Variants in ZNF699 observed in about 807,000 individuals in gnomAD.
The protein encoded by ZNF699 is hangover homolog.
Under a neutral mutation model 22.5 loss-of-function variants are expected in ZNF699, and 18 were observed. The ratio of observed to expected loss-of-function variants is 0.80; its 90% CI spans 0.55 to 1.19. The LOEUF (loss-of-function observed/expected upper bound fraction) is 1.19. Among genes scored for constraint, ZNF699 ranks in the 50% most tolerant of loss-of-function variants. The pLI, the probability that ZNF699 is intolerant of heterozygous loss-of-function variation, is 0.00. For missense variants in ZNF699, 670 were observed against 763.4 expected (o/e 0.88, Z 1.44); for synonymous variants, 241 against 262.3 (o/e 0.92, Z 0.78).
Position 9,297,367 on chromosome 19 carries a change from G to A in ZNF699, c.399C>T (p.Phe133=). The part of the protein sequence containing the change: ...IVRFKRNDSW[F]SSLHENQESC... ...ACTCCTGGTTTTCATGTAAACTGGAGAACCAGGAATCATTCCTTTTGAATC... is the reference window on the plus strand; with the variant it reads ...ACTCCTGGTTTTCATGTAAACTGGAAAACCAGGAATCATTCCTTTTGAATC... Residue 133 remains phenylalanine (F), a synonymous_variant, in exon 5 of 6, where the codon TTC becomes TTT. Transcript: ENST00000591998. This position sits in a 1 kb window ranked among gnomAD's most constrained non-coding sequence, Gnocchi z 4.3. 6.2e-7 allele frequency: 1 copy of A among 1,602,454 alleles called. No homozygotes were observed. Among genetic ancestry groups the A allele is most frequent in the Non-Finnish European group, 8.5e-7 (1 of 1,177,996 alleles).
At chr19:9,302,545 C>T (rs377118323) in intron 2 of ZNF699, 41 bp from the exon 3 acceptor site, 11 of 1,566,658 alleles carry the variant, frequency 7.0e-6, no homozygotes, top group Non-Finnish European at 9.5e-6. Flanking sequence ...GGTACAATTC[C>T]TCCAATGTGT....
At position 9,295,692 on chromosome 19, in the gene ZNF699, G is replaced by A. The variant is rs1568344517; in HGVS notation, c.1712C>T (p.Ser571Phe). The change falls in exon 6 of 6, where the codon TCT (serine) becomes TTT (phenylalanine). Residue 571 changes from serine (S) to phenylalanine (F), a missense_variant. Ser to Phe is a radical substitution (Grantham distance 155). Coordinates refer to ENST00000591998, the MANE Select transcript of ZNF699 (RefSeq NM_198535.3). ...TCTTGCATGTACAGTAAGGTATGAA[G>A]AATGACGAAATGCTTTCCCACATTC... is the stretch of plus-strand genomic sequence containing the variant. ...CKECGKAFRH[S>F]SYLTVHARMH... 1.9e-6 allele frequency: 3 copies of A among 1,614,002 alleles called. No individual in the cohort carries two copies. The highest frequency in any genetic ancestry group is 2.5e-6 in the Non-Finnish European group (3 of 1,180,036).
chr19:9,302,249 G>A (rs1280821368), intron 3 of ZNF699, 129 bp downstream of exon 3: 3 of 1,090,458 alleles, frequency 2.8e-6, no homozygotes, highest in Non-Finnish European at 4.0e-6. Flanking sequence ...GTTCCTTGGG[G>A]TCAGTGACCA....
rs1233376444 is a variant in ZNF699 at position 9,305,057 on chromosome 19, T to G, written c.48+15A>C. 1 of 1,606,026 alleles carries G rather than the reference T, an allele frequency of 6.2e-7. No homozygotes were observed. Among genetic ancestry groups the G allele is most frequent in the Admixed American group, 1.7e-5 (1 of 59,902 alleles). ...ATGGAAATATTCTTTTGGACAATTA[T>G]CACCTTTTACTTACCTGTATTCTAT... On this transcript the variant is annotated intron_variant, in intron 2 of 5. Coordinates refer to ENST00000591998, the MANE Select transcript of ZNF699 (RefSeq NM_198535.3).
chr19:9,299,247 G>T (rs1036446273), intron 3 of ZNF699, among the ~76,000 whole-genome samples: 6 of 152,192 alleles, frequency 3.9e-5, no homozygotes, highest in Non-Finnish European at 8.8e-5. Flanking sequence ...CCATTCTCCT[G>T]CCTCAGCCTC....
At chr19:9,303,010 AAAAAACAAAAAC>A (rs1262970193) in intron 2 of ZNF699, among the ~76,000 whole-genome samples, 1 of 149,914 alleles carries the variant, frequency 6.7e-6, no homozygotes, top group Non-Finnish European at 1.5e-5. Context: ...CCTGGACAAA[AAAAAACAAAAAC>A]AAAAACAAAA....
intron 1 of ZNF699, among the ~76,000 whole-genome samples, chr19:9,307,967 G>A (rs191658438): frequency 1.3e-3 from 199 of 150,956 alleles, no homozygotes; most frequent in Middle Eastern, 3.4e-3. Flanking sequence ...AAAAAAATCG[G>A]TATTAATAGG....
At chr19:9,307,821 G>A (rs1292064969) in intron 1 of ZNF699, among the ~76,000 whole-genome samples, 1 of 151,970 alleles carries the variant, frequency 6.6e-6, no homozygotes, top group African/African-American at 2.4e-5. Flanking sequence ...GGTGGCAGGT[G>A]CCTGTAATCG....
Position 9,297,506 on chromosome 19 carries a change from C to A in ZNF699, c.287-27G>T. 6.5e-7 allele frequency: 1 copy of A among 1,535,432 alleles called. No homozygotes were observed. Among genetic ancestry groups the A allele is most frequent in the South Asian group, 1.3e-5 (1 of 77,032 alleles). Reference sequence around the variant, plus strand: ...TGAAACGAAAAAAAGTGAAAGCTTCCATGAGCCAAGGACTTTTAGCAGAGT... The same window carrying A: ...TGAAACGAAAAAAAGTGAAAGCTTCAATGAGCCAAGGACTTTTAGCAGAGT... On this transcript the variant is annotated intron_variant, in intron 4 of 5. Transcript: ENST00000591998. This position sits in a 1 kb window ranked among gnomAD's most constrained non-coding sequence, Gnocchi z 4.3.
chr19:9,296,094 T>C lies in ZNF699; in HGVS notation c.1310A>G (p.His437Arg), dbSNP rs1477238798. 1 of 1,613,880 alleles carries C rather than the reference T, an allele frequency of 6.2e-7. No individual in the cohort carries two copies. The highest frequency in any genetic ancestry group is 8.5e-7 in the Non-Finnish European group (1 of 1,179,950). Residue 437 changes from histidine (H) to arginine (R), a missense_variant, in exon 6 of 6, where the codon CAT becomes CGT. Transcript: ENST00000591998. ...TTTCTCTCGACTTTGATTTTTCACA[T>C]GTGTATTAAGGGAAGTGGGAAGGTA... ...AFYLPTSLNTHVKNQSREKPY... is the reference protein window; with the variant it reads ...AFYLPTSLNTRVKNQSREKPY...
At chr19:9,302,263 C>T in intron 3 of ZNF699, 115 bp downstream of exon 3, 2 of 1,241,394 alleles carry the variant, frequency 1.6e-6, no homozygotes, top group Non-Finnish European at 2.3e-6. Flanking sequence ...GTGACCATAT[C>T]TGTCTTACTT....
At chr19:9,306,990 C>T (rs990745004) in intron 1 of ZNF699, among the ~76,000 whole-genome samples, 8 of 152,168 alleles carry the variant, frequency 5.3e-5, no homozygotes, top group African/African-American at 1.9e-4. Context: ...CACATGAGGT[C>T]AGGAGTTCAA....
chr19:9,308,477 C>G (rs1175286358), intron 1 of ZNF699, among the ~76,000 whole-genome samples: 1 of 152,068 alleles, frequency 6.6e-6, no homozygotes, highest in African/African-American at 2.4e-5. Context: ...CCTGATTACA[C>G]CCAGTAATTA....
chr19:9,306,014 A>G (rs1337614638), intron 1 of ZNF699, among the ~76,000 whole-genome samples: 1 of 149,410 alleles, frequency 6.7e-6, no homozygotes, highest in African/African-American at 2.4e-5. Context: ...GCATCAGCCT[A>G]TTGAATTCCA....
rs1340825863 is a variant in ZNF699 at position 9,296,027 on chromosome 19, G to A, written c.1377C>T (p.Pro459=). 2.5e-6 allele frequency: 4 copies of A among 1,612,630 alleles called. No homozygotes were observed. The East Asian group carries it at 8.9e-5, about 36-fold the overall frequency. Residue 459 remains proline, a synonymous_variant, in exon 6 of 6, where the codon CCC becomes CCT. Coordinates refer to ENST00000591998, the MANE Select transcript of ZNF699 (RefSeq NM_198535.3). The part of the protein sequence containing the change: ...CKECGKAFSC[P]SSFRAHVRDH... ...CTCTCACATGTGCTCTAAAGGACGA[G>A]GGACAACTAAAGGCCTTCCCACATT... is the stretch of plus-strand genomic sequence containing the variant.
intron 3 of ZNF699, among the ~76,000 whole-genome samples, chr19:9,301,784 C>T (rs1280591687): frequency 6.6e-6 from 1 of 152,180 alleles, no homozygotes; most frequent in East Asian, 1.9e-4. Context: ...CAAACCTCCT[C>T]CCTGTGTCCT....
In ZNF699 at chr19:9,295,948, G is replaced by A. The variant is rs758796147; in HGVS notation, c.1456C>T (p.Arg486Cys). Residue 486 changes from arginine to cysteine, a missense_variant, in exon 6 of 6, where the codon CGT (arginine) becomes TGT (cysteine). By Grantham distance (180) the Arg-to-Cys change is radical. Coordinates refer to ENST00000591998, the MANE Select transcript of ZNF699 (RefSeq NM_198535.3). ...ECKECGKTFS[R>C]SSSLTEHLRT... ...AGGTGTTCGGTGAGGGATGAGGAAC[G>A]ACTAAAGGTCTTCCCACACTCCTTA... The A allele has an allele frequency of 5.0e-6, 8 of 1,613,746 alleles. No individual in the cohort carries two copies. Among genetic ancestry groups the A allele is most frequent in the South Asian group, 1.1e-5 (1 of 91,056 alleles).
Position 9,296,789 on chromosome 19 carries a change from C to G in ZNF699, c.615G>C (p.Val205=). The change falls in exon 6 of 6, where the codon GTG becomes GTC. Residue 205 remains valine, a synonymous_variant. Transcript: ENST00000591998. ...TGTGACTCTTAAGGGATGAATGATCCACGAAGGCCTTTCCACACTCATGGC... is the reference window on the plus strand; with the variant it reads ...TGTGACTCTTAAGGGATGAATGATCGACGAAGGCCTTTCCACACTCATGGC... ...CECHECGKAF[V]DHSSLKSHIR... 1 of 1,614,012 alleles carries G rather than the reference C, an allele frequency of 6.2e-7. No homozygotes were observed. Among genetic ancestry groups the G allele is most frequent in the Non-Finnish European group, 8.5e-7 (1 of 1,179,996 alleles).
intron 1 of ZNF699, among the ~76,000 whole-genome samples, chr19:9,308,612 ACTC>A (rs1363984671): frequency 6.6e-6 from 1 of 152,148 alleles, no homozygotes; most frequent in East Asian, 1.9e-4. Context: ...ACAGAGCGAG[ACTC>A]CTATTTTCTA....
Sources: allele counts gnomAD v4.1 joint callset (sites outside exome capture counted in the v4.1 genomes callset), GRCh38; gene constraint gnomAD v4.1.1; non-coding constraint Gnocchi (gnomAD v3.1); transcripts MANE v1.5; gene names NCBI Gene and HGNC (gene_info 2026-07-23, HGNC 2026-07-21).